CNNM2: variants seen among roughly 807,000 people sequenced by gnomAD.
CNNM2 encodes metal transporter CNNM2.
A neutral mutation model predicts 66.9 loss-of-function variants in CNNM2; 12 were observed. The observed-to-expected ratio is 0.18, with a 90% confidence interval of 0.11 to 0.29. CNNM2 has a LOEUF of 0.29. Ranked by LOEUF, CNNM2 falls within the 10% of genes least tolerant of loss-of-function variation. The pLI, the probability that CNNM2 is intolerant of heterozygous loss-of-function variation, is 1.00. For missense variants in CNNM2, 705 were observed against 1,167.7 expected (o/e 0.60, Z 5.77); for synonymous variants, 557 against 501.8 (o/e 1.11, Z -1.47).
chr10:103,089,099 C>CTTCT lies in CNNM2; in HGVS notation c.*11920_*11923dup, dbSNP rs945690135. The CTTCT allele has an allele frequency of 1.3e-5, 3 of 226,598 alleles. No individual in the cohort carries two copies. Among genetic ancestry groups the CTTCT allele is most frequent in the African/African-American group, 6.7e-5 (3 of 45,018 alleles). 14.0% of individuals were successfully genotyped at this position (226,598 alleles called of 1,614,324 possible). On this transcript the variant is annotated 3_prime_UTR_variant, in exon 8 of 8. Coordinates refer to ENST00000369878, the MANE Select transcript of CNNM2 (RefSeq NM_017649.5). Reference sequence around the variant, plus strand: ...CCTAAAGCAACGCAAGTAGAGCATACTTCTGTGCAAAGCCAGTGATAGAGA... The same window carrying CTTCT: ...CCTAAAGCAACGCAAGTAGAGCATACTTCTTTCTGTGCAAAGCCAGTGATAGAGA...
At chr10:103,051,899 T>C (rs2065219283) in intron 2 of CNNM2, among the ~76,000 whole-genome samples, 1 of 152,202 alleles carries the variant, frequency 6.6e-6, no homozygotes, top group Admixed American at 6.5e-5. Flanking sequence ...TATCCTTTCC[T>C]CACTTGGAGG....
intron 6 of CNNM2, among the ~76,000 whole-genome samples, chr10:103,072,441 C>T (rs1564871346): frequency 6.6e-6 from 1 of 151,820 alleles, no homozygotes; most frequent in African/African-American, 2.4e-5. Context: ...AGGCAGGCGA[C>T]CCCGCTTCTC....
intron 1 of CNNM2, among the ~76,000 whole-genome samples, chr10:103,043,586 C>A (rs2065079819): frequency 6.6e-6 from 1 of 152,168 alleles, no homozygotes; most frequent in Non-Finnish European, 1.5e-5. Context: ...GCTGGTTTAC[C>A]AATTCAGAGA....
rs57482469 is a variant in CNNM2 at position 102,975,469 on chromosome 10, G to GA, written c.1621+55387dup. The stretch of plus-strand genomic sequence containing the variant: ...GAGTGGATTCTGTGGGATGGAATTA[G>GA]AAAAAAAAAAAAAAAAAAACAAACC... On this transcript the variant is annotated intron_variant, in intron 1 of 7. Coordinates refer to ENST00000369878, the MANE Select transcript of CNNM2 (RefSeq NM_017649.5). Among the ~76,000 whole-genome samples, 68,017 of 118,946 alleles carry GA rather than the reference G, an allele frequency of 0.57. 19,857 individuals carry two copies. The highest frequency in any genetic ancestry group is 0.6 in the African/African-American group (18,622 of 30,992). The allele number at this position is 118,946 out of a possible 152,430, so 78.0% of individuals were successfully genotyped here. A position where few individuals can be genotyped will look rare whatever the true frequency, so the allele number is the denominator to read the frequency against.
chr10:103,034,915 G>A (rs912129268), intron 1 of CNNM2, among the ~76,000 whole-genome samples: 5 of 146,800 alleles, frequency 3.4e-5, no homozygotes, highest in Non-Finnish European at 7.5e-5. Context: ...GCAGTGAGCC[G>A]AGATTGCGCC....
intron 1 of CNNM2, among the ~76,000 whole-genome samples, chr10:103,045,377 A>G (rs943055417): frequency 6.6e-6 from 1 of 152,190 alleles, no homozygotes; most frequent in Admixed American, 6.5e-5. Flanking sequence ...ACAGCTGCCT[A>G]GAAGGGGGTC....
At chr10:103,049,901 G>T in intron 2 of CNNM2, 51 bp downstream of exon 2, 2 of 1,581,426 alleles carry the variant, frequency 1.3e-6, no homozygotes, top group South Asian at 2.3e-5. Flanking sequence ...TTTTTTTGTT[G>T]TGCTGTTTGT....
intron 1 of CNNM2, among the ~76,000 whole-genome samples, chr10:102,929,280 G>T (rs1427332981): frequency 2.0e-5 from 3 of 151,942 alleles, no homozygotes; most frequent in African/African-American, 7.3e-5. Context: ...AAAAAGAGTG[G>T]CTAGGCTGGG....
chr10:103,056,724 A>G (rs1415865025), intron 3 of CNNM2, 71 bp from the exon 4 acceptor site: 2 of 1,375,336 alleles, frequency 1.5e-6, no homozygotes, highest in Non-Finnish European at 1.0e-6. Flanking sequence ...TAAACACCTC[A>G]ATTACTATTA....
intron 1 of CNNM2, among the ~76,000 whole-genome samples, chr10:102,978,928 C>G (rs1315444562): frequency 6.6e-6 from 1 of 152,280 alleles, no homozygotes; most frequent in South Asian, 2.1e-4. Flanking sequence ...TGTGAATCAT[C>G]CATGATGTTT....
chr10:103,026,779 T>C (rs1318169981), intron 1 of CNNM2, among the ~76,000 whole-genome samples: 1 of 152,106 alleles, frequency 6.6e-6, no homozygotes, highest in Non-Finnish European at 1.5e-5. Context: ...ATGGAGTGTG[T>C]TCATTAGCAC....
intron 1 of CNNM2, among the ~76,000 whole-genome samples, chr10:102,958,473 T>TTTTG (rs1564820951): frequency 4.1e-5 from 5 of 120,554 alleles, no homozygotes; most frequent in Admixed American, 3.5e-4. Context: ...TTTTTTTTTT[T>TTTTG]TTTTTTTTTT....
chr10:102,941,833 G>A (rs1846447167), intron 1 of CNNM2, among the ~76,000 whole-genome samples: 1 of 152,090 alleles, frequency 6.6e-6, no homozygotes, highest in Admixed American at 6.5e-5. Flanking sequence ...AGCTCCATAA[G>A]GGCAGGGACT....
At chr10:103,069,776 G>A (rs756609452) in intron 5 of CNNM2, among the ~76,000 whole-genome samples, 1 of 152,240 alleles carries the variant, frequency 6.6e-6, no homozygotes, top group East Asian at 1.9e-4. Flanking sequence ...GGTCGGGCAG[G>A]TCGACAGAGA....
At chr10:102,984,753 G>T (rs1022843634) in intron 1 of CNNM2, among the ~76,000 whole-genome samples, 1 of 151,586 alleles carries the variant, frequency 6.6e-6, no homozygotes, top group African/African-American at 2.4e-5. Flanking sequence ...TCTGCCTCCC[G>T]GGTTCAAGTG....
chr10:102,988,838 G>A (rs887832606), intron 1 of CNNM2, among the ~76,000 whole-genome samples: 3 of 152,110 alleles, frequency 2.0e-5, no homozygotes, highest in African/African-American at 4.8e-5. Context: ...TGTTCTCCAC[G>A]GAAGTGAGGC....
intron 1 of CNNM2, among the ~76,000 whole-genome samples, chr10:102,930,598 T>C (rs1846030097): frequency 6.6e-6 from 1 of 152,202 alleles, no homozygotes; most frequent in South Asian, 2.1e-4. Flanking sequence ...AAGTATGTGA[T>C]TTGATGCTTT....
rs376084184 is a variant in CNNM2, at chr10:103,089,738, G to A, written c.*12558G>A. 3.1e-6 allele frequency: 5 copies of A among 1,613,654 alleles called. No individual in the cohort carries two copies. Among genetic ancestry groups the A allele is most frequent in the Non-Finnish European group, 4.2e-6 (5 of 1,179,870 alleles). On this transcript the variant is annotated 3_prime_UTR_variant, in exon 8 of 8. Transcript: ENST00000369878. ...CATGGCAGTGTGTAATTTCCTGGGG[G>A]GCCAGTGGGAAGAGGTTGGGAGGTT...
intron 1 of CNNM2, among the ~76,000 whole-genome samples, chr10:102,957,676 C>T (rs2134199497): frequency 6.6e-6 from 1 of 152,252 alleles, no homozygotes; most frequent in African/African-American, 2.4e-5. Context: ...TGACTTTTGT[C>T]CTTGGAATTA....
Sources: gnomAD v4.1 joint callset for allele counts (sites outside exome capture counted in the v4.1 genomes callset) on GRCh38, gnomAD v4.1.1 for gene constraint, MANE v1.5 for transcripts, NCBI Gene and HGNC (gene_info 2026-07-23, HGNC 2026-07-21) for gene names.